Variants in SDK1 observed in about 807,000 individuals in gnomAD.
SDK1 encodes protein sidekick-1.
A neutral mutation model predicts 245.5 loss-of-function variants in SDK1; 157 were observed. The observed-to-expected ratio is 0.64, with a 90% confidence interval of 0.56 to 0.73. The LOEUF is 0.73. Among genes scored for constraint, SDK1 ranks in the 30% least tolerant of loss-of-function variants. The pLI is 0.00. For missense variants in SDK1, 3,583 were observed against 3,002.3 expected, an observed-to-expected ratio of 1.19 and a Z score of -4.52; for synonymous variants, 1,647 against 1,278.5, an observed-to-expected ratio of 1.29 and a Z score of -6.15.
chr7:3,833,736 T>C (rs1779967095), intron 5 of SDK1, among the ~76,000 whole-genome samples: 1 of 152,194 alleles, frequency 6.6e-6, no homozygotes, highest in African/African-American at 2.4e-5. Context: ...TATTTGAAAA[T>C]GTATGAAGCG....
chr7:3,861,746 T>C lies in SDK1; in HGVS notation c.847+40163T>C, dbSNP rs16870971. 7.8e-3 allele frequency among the ~76,000 whole-genome samples: 1,188 copies of C among 152,258 alleles called. 15 individuals carry two copies. The highest frequency in any genetic ancestry group is 0.027 in the African/African-American group (1,105 of 41,522). ...TCAATTAAGGCTTTAATCAGCAAAG[T>C]AGCAAACTTCACATGGCTTGTGGAC... On this transcript the variant is annotated intron_variant, in intron 5 of 44. Coordinates refer to ENST00000404826, the MANE Select transcript of SDK1 (RefSeq NM_152744.4).
At chr7:3,395,337 CT>C (rs1183974499) in intron 1 of SDK1, among the ~76,000 whole-genome samples, 1 of 151,648 alleles carries the variant, frequency 6.6e-6, no homozygotes. Context: ...GGCTTATCAT[CT>C]TTTTTTATAT....
chr7:4,006,954 C>G (rs975250885), intron 14 of SDK1, among the ~76,000 whole-genome samples: 1 of 152,264 alleles, frequency 6.6e-6, no homozygotes, highest in African/African-American at 2.4e-5. Context: ...TGCTCTGCCT[C>G]TCCCGCAGTC....
At chr7:4,002,170 G>C (rs1478246449) in intron 14 of SDK1, among the ~76,000 whole-genome samples, 2 of 152,178 alleles carry the variant, frequency 1.3e-5, no homozygotes, top group East Asian at 3.8e-4. Flanking sequence ...TTCTCTCTTA[G>C]TGCCCAGATG....
chr7:4,121,513 C>T (rs1192508121), intron 25 of SDK1, among the ~76,000 whole-genome samples: 1 of 152,174 alleles, frequency 6.6e-6, no homozygotes, highest in East Asian at 1.9e-4. Flanking sequence ...TCCCCTTCAC[C>T]TTCCATCACG....
intron 33 of SDK1, among the ~76,000 whole-genome samples, chr7:4,175,212 C>A (rs118190362): frequency 6.6e-6 from 1 of 152,202 alleles, no homozygotes; most frequent in Non-Finnish European, 1.5e-5. Context: ...ATGTTGAAGA[C>A]GGGAAATTGC....
intron 16 of SDK1, among the ~76,000 whole-genome samples, chr7:4,013,704 G>T (rs940434822): frequency 4.6e-5 from 7 of 152,192 alleles, no homozygotes; most frequent in Non-Finnish European, 7.3e-5. Flanking sequence ...TTTTCCTCCA[G>T]CGTCGGGATT....
At chr7:4,117,697 A>T (rs889709247) in intron 25 of SDK1, among the ~76,000 whole-genome samples, 10 of 152,142 alleles carry the variant, frequency 6.6e-5, no homozygotes, top group African/African-American at 2.2e-4. Context: ...TGCCCAGCAC[A>T]CTGTGGGCAC....
At chr7:3,661,714 G>A (rs541198356) in intron 4 of SDK1, among the ~76,000 whole-genome samples, 2 of 152,178 alleles carry the variant, frequency 1.3e-5, no homozygotes, top group Non-Finnish European at 2.9e-5. Flanking sequence ...GAAAAATGCA[G>A]TATAAAATGG....
chr7:3,813,044 G>A, intron 4 of SDK1, among the ~76,000 whole-genome samples: 1 of 152,188 alleles, frequency 6.6e-6, no homozygotes, highest in East Asian at 1.9e-4. Flanking sequence ...GACTTAACAT[G>A]TACTGAGCAT....
At chr7:3,949,596 C>T (rs1194786993) in intron 5 of SDK1, among the ~76,000 whole-genome samples, 1 of 152,184 alleles carries the variant, frequency 6.6e-6, no homozygotes, top group Non-Finnish European at 1.5e-5. Flanking sequence ...TATTTCCAGC[C>T]TCTTACATCT....
At chr7:4,066,678 G>A (rs974572754) in intron 19 of SDK1, among the ~76,000 whole-genome samples, 11 of 152,182 alleles carry the variant, frequency 7.2e-5, no homozygotes, top group Admixed American at 2.6e-4. Context: ...TGATGGGACC[G>A]ATGGGACCTG....
At chr7:3,699,508 T>G (rs1179749836) in intron 4 of SDK1, among the ~76,000 whole-genome samples, 1 of 152,162 alleles carries the variant, frequency 6.6e-6, no homozygotes, top group East Asian at 1.9e-4. Context: ...ATCTTGATGA[T>G]GTACTCAACA....
chr7:4,003,454 C>T lies in SDK1; in HGVS notation c.2132-7512C>T, dbSNP rs142693018. Among the ~76,000 whole-genome samples the T allele has an allele frequency of 6.1e-3, 924 of 152,312 alleles. 6 individuals are homozygous for T. The highest frequency in any genetic ancestry group is 9.0e-3 in the Non-Finnish European group (612 of 68,020). On this transcript the variant is annotated intron_variant, in intron 14 of 44. Coordinates refer to ENST00000404826, the MANE Select transcript of SDK1 (RefSeq NM_152744.4). ...GTTCACTGCAGTCACTGCCCCCTTC[C>T]GAGCTCCGCAGTCTCTCCCTGATGA...
chr7:3,647,106 C>T (rs1291767872), intron 4 of SDK1, among the ~76,000 whole-genome samples: 1 of 152,154 alleles, frequency 6.6e-6, no homozygotes, highest in Non-Finnish European at 1.5e-5. Flanking sequence ...TAATCTTAGG[C>T]CACGGATGGT....
intron 1 of SDK1, among the ~76,000 whole-genome samples, chr7:3,326,081 A>C (rs1779933834): frequency 6.6e-6 from 1 of 152,178 alleles, no homozygotes; most frequent in Non-Finnish European, 1.5e-5. Flanking sequence ...AATGTAACTT[A>C]ATAAGGTAGT....
intron 1 of SDK1, among the ~76,000 whole-genome samples, chr7:3,572,434 C>T (rs888872109): frequency 2.6e-5 from 4 of 151,862 alleles, no homozygotes; most frequent in African/African-American, 7.3e-5. Flanking sequence ...CTAGGCTTGG[C>T]GTAGGCATCA....
intron 4 of SDK1, chr7:3,643,862 AATAATT>A (rs897639108): frequency 2.0e-5 from 3 of 149,220 alleles, no homozygotes; most frequent in Non-Finnish European, 4.4e-5. Context: ...CCTAAATAAT[AATAATT>A]ATTATTATTA....
chr7:3,346,736 T>C (rs985931173), intron 1 of SDK1, among the ~76,000 whole-genome samples: 5 of 140,278 alleles, frequency 3.6e-5, no homozygotes, highest in East Asian at 4.1e-4. Flanking sequence ...CATATATATA[T>C]ACACGTATAT....
Sources: allele counts gnomAD v4.1 joint callset (sites outside exome capture counted in the v4.1 genomes callset), GRCh38; gene constraint gnomAD v4.1.1; transcripts MANE v1.5; gene names NCBI Gene and HGNC (gene_info 2026-07-23, HGNC 2026-07-21).